PDE8A: variants seen among roughly 807,000 people sequenced by gnomAD.
PDE8A encodes phosphodiesterase 8A, also known as high affinity cAMP-specific and IBMX-insensitive 3',5'-cyclic phosphodiesterase 8A.
Under a neutral mutation model 105.0 loss-of-function variants are expected in PDE8A, and 59 were observed. The ratio of observed to expected loss-of-function variants is 0.56; its 90% CI spans 0.46 to 0.70. The LOEUF (loss-of-function observed/expected upper bound fraction) is 0.70. Among genes scored for constraint, PDE8A ranks in the 30% least tolerant of loss-of-function variants. The probability of loss-of-function intolerance (pLI) is 0.00; values close to 1 mark genes in which losing one functional copy is unlikely to be tolerated. For synonymous variants in PDE8A, 355 were observed against 371.9 expected (o/e 0.95, Z 0.52); for missense variants, 1,014 against 1,045.9 (o/e 0.97, Z 0.42).
intron 1 of PDE8A, among the ~76,000 whole-genome samples, chr15:84,985,215 G>C (rs766989487): frequency 2.0e-5 from 3 of 152,202 alleles, no homozygotes; most frequent in Admixed American, 6.5e-5. Flanking sequence ...ATAATTAACA[G>C]TAAAACTCAA....
At chr15:84,992,499 A>G (rs2079902210) in intron 1 of PDE8A, among the ~76,000 whole-genome samples, 1 of 152,152 alleles carries the variant, frequency 6.6e-6, no homozygotes, top group South Asian at 2.1e-4. Flanking sequence ...AAGGCATTTC[A>G]TTTTCAGCGG....
intron 11 of PDE8A, among the ~76,000 whole-genome samples, chr15:85,102,356 T>C (rs903651159): frequency 4.6e-5 from 7 of 152,182 alleles, no homozygotes; most frequent in African/African-American, 1.7e-4. Context: ...TGCTTTGCAT[T>C]CAAGAGCTCG....
chr15:85,067,659 T>C (rs1451684169), intron 3 of PDE8A, among the ~76,000 whole-genome samples: 1 of 152,216 alleles, frequency 6.6e-6, no homozygotes, highest in Non-Finnish European at 1.5e-5. Context: ...AAGAAAGTTA[T>C]TTGTTGCTGA....
chr15:85,024,292 T>G (rs1284496801), intron 1 of PDE8A, among the ~76,000 whole-genome samples: 1 of 152,218 alleles, frequency 6.6e-6, no homozygotes, highest in Non-Finnish European at 1.5e-5. Context: ...GGACTGTATC[T>G]TTGCATCCCT....
At chr15:85,135,528 T>TGC (rs2141660503) in intron 20 of PDE8A, among the ~76,000 whole-genome samples, 1 of 152,224 alleles carries the variant, frequency 6.6e-6, no homozygotes, top group East Asian at 1.9e-4. Flanking sequence ...TCACTCCATC[T>TGC]GCGCTCACCC....
chr15:85,111,626 A>G (rs1279421984), intron 12 of PDE8A, among the ~76,000 whole-genome samples: 3 of 152,222 alleles, frequency 2.0e-5, no homozygotes, highest in Non-Finnish European at 2.9e-5. Flanking sequence ...GATACCTGGT[A>G]GTAGGTAGCT....
At chr15:85,135,001 G>C (rs931417111) in intron 20 of PDE8A, among the ~76,000 whole-genome samples, 4 of 152,168 alleles carry the variant, frequency 2.6e-5, no homozygotes, top group South Asian at 2.1e-4. Flanking sequence ...GCTGCGGTGG[G>C]GGGAGAGAGA....
chr15:85,056,258 A>T (rs1377812698), intron 1 of PDE8A, among the ~76,000 whole-genome samples: 1 of 151,918 alleles, frequency 6.6e-6, no homozygotes, highest in African/African-American at 2.4e-5. Flanking sequence ...CCTTCATTTC[A>T]ACTTTGGTGA....
chr15:85,088,074 A>G (rs780026141), intron 6 of PDE8A, among the ~76,000 whole-genome samples: 2 of 152,226 alleles, frequency 1.3e-5, no homozygotes, highest in Non-Finnish European at 1.5e-5. Flanking sequence ...GCTGTAGTGC[A>G]GTGATGCAAT....
chr15:85,136,701 A>C (rs1208495570), intron 21 of PDE8A, 38 bp downstream of exon 21: 3 of 1,594,242 alleles, frequency 1.9e-6, no homozygotes, highest in Non-Finnish European at 2.6e-6. Context: ...TTTTCCTCTA[A>C]ATAATGGGGA....
chr15:85,111,131 G>A, intron 12 of PDE8A, among the ~76,000 whole-genome samples: 1 of 152,174 alleles, frequency 6.6e-6, no homozygotes, highest in East Asian at 1.9e-4. Flanking sequence ...TGGGTTATCT[G>A]TGTATCACAA....
intron 7 of PDE8A, 43 bp from the exon 8 acceptor site, chr15:85,091,001 G>T: frequency 6.4e-7 from 1 of 1,556,012 alleles, no homozygotes; most frequent in South Asian, 1.2e-5. Context: ...TTTTCAAAAT[G>T]ACTTTTAATT....
intron 1 of PDE8A, among the ~76,000 whole-genome samples, chr15:85,026,554 T>C (rs895018371): frequency 1.3e-5 from 2 of 152,174 alleles, no homozygotes; most frequent in African/African-American, 4.8e-5. Flanking sequence ...TTGTGGATGC[T>C]ATCTCAAGCC....
rs529531058 is a variant in PDE8A, at chr15:85,101,855, G to T, written c.1036+1657G>T. 5.9e-5 allele frequency among the ~76,000 whole-genome samples: 9 copies of T among 152,302 alleles called. No homozygotes were observed. In the South Asian group the frequency reaches 1.0e-3, roughly 18 times the overall value. On this transcript the variant is annotated intron_variant, in intron 11 of 21. Coordinates refer to ENST00000394553, the MANE Select transcript of PDE8A (RefSeq NM_002605.3). The stretch of plus-strand genomic sequence containing the variant: ...TGGAGATTCAGGCAGTAGCAGTAGG[G>T]CTGGGGAGGATGAATGTGGAGAGCT...
At chr15:85,045,133 T>G (rs572021054) in intron 1 of PDE8A, among the ~76,000 whole-genome samples, 73 of 152,326 alleles carry the variant, frequency 4.8e-4, no homozygotes, top group African/African-American at 1.7e-3. Flanking sequence ...CATTCAGATC[T>G]CACCTCCTGC....
chr15:85,101,287 G>A (rs1482137860), intron 11 of PDE8A, among the ~76,000 whole-genome samples: 1 of 152,148 alleles, frequency 6.6e-6, no homozygotes, highest in Non-Finnish European at 1.5e-5. Flanking sequence ...TGACACAAAG[G>A]AACACAGCAA....
At chr15:85,069,007 T>C (rs897199206) in intron 3 of PDE8A, among the ~76,000 whole-genome samples, 1 of 152,230 alleles carries the variant, frequency 6.6e-6, no homozygotes, top group Non-Finnish European at 1.5e-5. Context: ...CAGATTTTTA[T>C]TGAGCTATGT....
At chr15:85,055,066 T>C (rs1304139110) in intron 1 of PDE8A, among the ~76,000 whole-genome samples, 1 of 149,492 alleles carries the variant, frequency 6.7e-6, no homozygotes, top group Non-Finnish European at 1.5e-5. Flanking sequence ...CATTTCGTTA[T>C]GTATCCAGTA....
intron 1 of PDE8A, among the ~76,000 whole-genome samples, chr15:84,989,892 G>A (rs1223226419): frequency 2.0e-5 from 3 of 152,142 alleles, no homozygotes; most frequent in Admixed American, 6.5e-5. Flanking sequence ...TCATATGCCT[G>A]CCATCTGGAT....
Sources: allele counts gnomAD v4.1 joint callset (sites outside exome capture counted in the v4.1 genomes callset), GRCh38; gene constraint gnomAD v4.1.1; transcripts MANE v1.5; gene names NCBI Gene and HGNC (gene_info 2026-07-23, HGNC 2026-07-21).